The following LRP5 variants were observed in gnomAD, a reference collection of about 807,000 sequenced individuals.
The protein encoded by LRP5 is low-density lipoprotein receptor-related protein 5.
In LRP5, 62 loss-of-function variants were observed where a neutral mutation model predicts 154.1. The ratio of observed to expected loss-of-function variants is 0.40; its 90% CI spans 0.33 to 0.50. The LOEUF is 0.50. Among genes scored for constraint, LRP5 ranks in the 20% least tolerant of loss-of-function variants. LRP5 has a pLI of 0.55. For synonymous variants in LRP5, 966 were observed against 1,011.5 expected, an observed-to-expected ratio of 0.96 and a Z score of 0.85; for missense variants, 1,915 against 2,336.7, an observed-to-expected ratio of 0.82 and a Z score of 3.72.
At position 68,330,034 on chromosome 11, in the gene LRP5, A is replaced by G. The variant is rs575533209; in HGVS notation, c.91+17229A>G. 2.0e-5 allele frequency among the ~76,000 whole-genome samples: 3 copies of G among 152,344 alleles called. No homozygotes were observed. In the East Asian group the frequency reaches 5.8e-4, roughly 29 times the overall value. Reference sequence around the variant, plus strand: ...TGAAAACGCACATTTGCAGACATCAATCAAATGTCATATTCCCTAGCAGCT... The same window carrying G: ...TGAAAACGCACATTTGCAGACATCAGTCAAATGTCATATTCCCTAGCAGCT... On this transcript the variant is annotated intron_variant, in intron 1 of 22. Transcript: ENST00000294304.
intron 5 of LRP5, among the ~76,000 whole-genome samples, chr11:68,385,477 T>G (rs1339444739): frequency 6.6e-6 from 1 of 152,110 alleles, no homozygotes; most frequent in Non-Finnish European, 1.5e-5. Context: ...CACTGTGTTC[T>G]GATGGCCCAG....
chr11:68,335,498 G>C (rs1318960782), intron 1 of LRP5, among the ~76,000 whole-genome samples: 1 of 152,086 alleles, frequency 6.6e-6, no homozygotes, highest in Non-Finnish European at 1.5e-5. Context: ...GGAGGTTGAG[G>C]CGGCAGTGAG....
At chr11:68,393,574 A>T (rs2098647575) in intron 7 of LRP5, among the ~76,000 whole-genome samples, 1 of 152,172 alleles carries the variant, frequency 6.6e-6, no homozygotes, top group Admixed American at 6.5e-5. Flanking sequence ...TGAGGTCAGG[A>T]GTTCGAGACG....
intron 1 of LRP5, among the ~76,000 whole-genome samples, chr11:68,342,662 C>T (rs1252633136): frequency 2.0e-5 from 3 of 152,206 alleles, no homozygotes; most frequent in Non-Finnish European, 4.4e-5. Context: ...AAAGAGCCTG[C>T]CTGCCACAGC....
At chr11:68,407,587 T>C (rs1311919119) in intron 9 of LRP5, among the ~76,000 whole-genome samples, 2 of 148,504 alleles carry the variant, frequency 1.3e-5, no homozygotes. Flanking sequence ...ACACCTGTAA[T>C]CCCAGCACTT....
intron 3 of LRP5, among the ~76,000 whole-genome samples, chr11:68,359,330 C>T (rs2098625754): frequency 6.6e-6 from 1 of 152,210 alleles, no homozygotes; most frequent in South Asian, 2.1e-4. Flanking sequence ...CCACACATCT[C>T]TTTTGGGCTG....
rs373604219 is a variant in LRP5 at position 68,370,062 on chromosome 11, G to A, written c.1015+4360G>A. 3.3e-5 allele frequency among the ~76,000 whole-genome samples: 5 copies of A among 152,208 alleles called. No individual in the cohort carries two copies. The East Asian group carries it at 9.7e-4, about 29-fold the overall frequency. ...CTCAGGGTCCAGGTTTGCCTGCATC[G>A]TCCCAGAATCCTCCCATACCTGGGG... On this transcript the variant is annotated intron_variant, in intron 5 of 22. Transcript: ENST00000294304.
intron 1 of LRP5, among the ~76,000 whole-genome samples, chr11:68,343,205 C>T (rs75696335): frequency 0.047 from 7,224 of 152,230 alleles, 572 homozygotes; most frequent in African/African-American, 0.16. Context: ...CGCTGCCTCC[C>T]GAGACAATCT....
chr11:68,436,195 A>G (rs1327817388), intron 18 of LRP5, among the ~76,000 whole-genome samples: 1 of 152,136 alleles, frequency 6.6e-6, no homozygotes, highest in Non-Finnish European at 1.5e-5. Flanking sequence ...CTTGGTTACC[A>G]GAAAATCATC....
chr11:68,304,822 G>A, the LRP5 span, among the ~76,000 whole-genome samples: 1 of 152,336 alleles, frequency 6.6e-6, no homozygotes, highest in East Asian at 1.9e-4. Flanking sequence ...TCTTTTGACA[G>A]ATTTCTCCCT....
intron 14 of LRP5, among the ~76,000 whole-genome samples, chr11:68,424,040 G>C (rs1273702498): frequency 3.3e-5 from 5 of 152,208 alleles, no homozygotes; most frequent in Admixed American, 6.5e-5. Context: ...ACTCGCTCCT[G>C]TTCCACCACA....
intron 14 of LRP5, among the ~76,000 whole-genome samples, chr11:68,424,270 G>A (rs1230847142): frequency 6.9e-6 from 1 of 145,810 alleles, no homozygotes; most frequent in Non-Finnish European, 1.5e-5. Context: ...TCAGATAGCT[G>A]GGGGGCTGGC....
intron 1 of LRP5, among the ~76,000 whole-genome samples, chr11:68,323,168 GCA>G (rs1317472834): frequency 6.6e-6 from 1 of 152,248 alleles, no homozygotes; most frequent in East Asian, 1.9e-4. Context: ...GAGTGCAGTA[GCA>G]CAGTCTTGGC....
At chr11:68,417,257 T>C (rs1554972896) in intron 13 of LRP5, among the ~76,000 whole-genome samples, 1 of 151,998 alleles carries the variant, frequency 6.6e-6, no homozygotes, top group Non-Finnish European at 1.5e-5. Flanking sequence ...GAGTGGGTCA[T>C]GGCCCCAGCA....
At chr11:68,359,284 A>G (rs2098625712) in intron 3 of LRP5, among the ~76,000 whole-genome samples, 1 of 152,148 alleles carries the variant, frequency 6.6e-6, no homozygotes, top group South Asian at 2.1e-4. Flanking sequence ...TCTCAGGGCA[A>G]GAGGCCTCAG....
chr11:68,445,750 G>T, intron 21 of LRP5: 1 of 1,026,068 alleles, frequency 9.7e-7, no homozygotes, highest in Admixed American at 2.4e-5. Context: ...TGTAGGGCTG[G>T]TTGTGTGCTG....
At chr11:68,409,063 A>ATATAT (rs1318843298) in intron 9 of LRP5, among the ~76,000 whole-genome samples, 12 of 26,994 alleles carry the variant, frequency 4.4e-4, no homozygotes, top group African/African-American at 1.5e-3. Flanking sequence ...AAAAAAAAAA[A>ATATAT]AAAAAAAAAA....
chr11:68,330,164 A>G (rs533033839), intron 1 of LRP5, among the ~76,000 whole-genome samples: 44 of 152,218 alleles, frequency 2.9e-4, no homozygotes, highest in Admixed American at 1.1e-3. Flanking sequence ...AGAGAGATAC[A>G]TGCCTTCTGG....
chr11:68,341,059 C>CCTTT (rs1555071026), intron 1 of LRP5, among the ~76,000 whole-genome samples: 4 of 83,496 alleles, frequency 4.8e-5, no homozygotes, highest in African/African-American at 1.9e-4. Context: ...GGAGATTGTT[C>CCTTT]TTTTTTTTTT....
Sources: gnomAD v4.1 joint callset for allele counts (sites outside exome capture counted in the v4.1 genomes callset) on GRCh38, gnomAD v4.1.1 for gene constraint, MANE v1.5 for transcripts, NCBI Gene and HGNC (gene_info 2026-07-23, HGNC 2026-07-21) for gene names.